The following KCNC2 variants were observed in gnomAD, a reference collection of about 807,000 sequenced individuals.
KCNC2 encodes potassium voltage-gated channel subfamily C member 2.
In KCNC2, 21 loss-of-function variants were observed where a neutral mutation model predicts 44.5. That is an observed-to-expected ratio of 0.47 (90% CI 0.33 to 0.68). The LOEUF is 0.68. Ranked by LOEUF, KCNC2 falls within the 30% of genes least tolerant of loss-of-function variation. KCNC2 has a pLI of 0.01. For synonymous variants in KCNC2, 391 were observed against 339.1 expected (o/e 1.15, Z -1.68); for missense variants, 589 against 826.2 (o/e 0.71, Z 3.52).
At chr12:75,043,907 G>T (rs918706086) in intron 4 of KCNC2, 3 of 750,708 alleles carry the variant, frequency 4.0e-6, no homozygotes, top group Admixed American at 6.1e-5. Context: ...TTGATTACAT[G>T]ATGTTTTCAG....
chr12:75,199,263 G>T (rs911522051), intron 2 of KCNC2, among the ~76,000 whole-genome samples: 3 of 151,800 alleles, frequency 2.0e-5, no homozygotes, highest in Admixed American at 2.0e-4. Context: ...TCTAAGATTT[G>T]ATAGCACACC....
At position 75,121,959 on chromosome 12, in the gene KCNC2, CTCAGTGT is replaced by C. The variant is rs1181997712; in HGVS notation, c.688-70649_688-70643del. Among the ~76,000 whole-genome samples the C allele has an allele frequency of 3.8e-5, 4 of 105,700 alleles. No homozygotes were observed. In the East Asian group the frequency reaches 1.1e-3, roughly 30 times the overall value. The allele number at this position is 105,700 out of a possible 152,430, so 69.3% of individuals were successfully genotyped here. ...GCTTCTTGAACACTGACTCAGTGGA[CTCAGTGT>C]CAAGTGTGAGTGATAGGAATCCTCA... On this transcript the variant is annotated intron_variant, in intron 2 of 4. Transcript: ENST00000549446.
At chr12:75,201,772 A>G (rs2031298584) in intron 2 of KCNC2, among the ~76,000 whole-genome samples, 1 of 151,898 alleles carries the variant, frequency 6.6e-6, no homozygotes, top group Non-Finnish European at 1.5e-5. Context: ...TTAAAAGAAT[A>G]TTTTGACTGC....
At chr12:75,043,768 G>C in intron 4 of KCNC2, 1 of 1,509,342 alleles carries the variant, frequency 6.6e-7, no homozygotes, top group Non-Finnish European at 8.8e-7. Flanking sequence ...ATGGCATTTG[G>C]TGCCATTATC....
intron 2 of KCNC2, among the ~76,000 whole-genome samples, chr12:75,075,320 T>C (rs895208860): frequency 1.1e-4 from 17 of 151,936 alleles, no homozygotes; most frequent in African/African-American, 3.1e-4. Flanking sequence ...AATCAAGAGA[T>C]GCCATGATTC....
At chr12:75,046,503 C>T (rs1056680512) in intron 4 of KCNC2, among the ~76,000 whole-genome samples, 2 of 151,534 alleles carry the variant, frequency 1.3e-5, no homozygotes. Context: ...TTGAATGCTG[C>T]TTAAAAATGT....
intron 2 of KCNC2, among the ~76,000 whole-genome samples, chr12:75,204,075 C>A (rs2031497651): frequency 6.6e-6 from 1 of 151,902 alleles, no homozygotes; most frequent in Non-Finnish European, 1.5e-5. Context: ...TCACTAGCAT[C>A]AACAAAATAA....
At chr12:75,203,741 T>C (rs2137802343) in intron 2 of KCNC2, among the ~76,000 whole-genome samples, 1 of 152,012 alleles carries the variant, frequency 6.6e-6, no homozygotes, top group Admixed American at 6.5e-5. Context: ...CCCTACCCTA[T>C]AAAAAATATA....
intron 2 of KCNC2, among the ~76,000 whole-genome samples, chr12:75,159,608 T>C (rs762571694): frequency 1.3e-5 from 2 of 151,894 alleles, no homozygotes; most frequent in Non-Finnish European, 2.9e-5. Flanking sequence ...TGAAACTCCC[T>C]TAAACTCAAT....
intron 2 of KCNC2, among the ~76,000 whole-genome samples, chr12:75,129,266 C>T (rs1429956597): frequency 2.6e-5 from 4 of 152,152 alleles, no homozygotes; most frequent in Non-Finnish European, 2.9e-5. Context: ...GGTGCCATGA[C>T]GCTAACAGGC....
intron 2 of KCNC2, among the ~76,000 whole-genome samples, chr12:75,203,052 AT>A (rs992472498): frequency 5.9e-5 from 9 of 151,912 alleles, no homozygotes; most frequent in African/African-American, 2.2e-4. Flanking sequence ...TGACAACAAT[AT>A]TTTATGAATA....
chr12:75,059,044 T>G (rs1882039420), intron 2 of KCNC2, among the ~76,000 whole-genome samples: 1 of 152,044 alleles, frequency 6.6e-6, no homozygotes, highest in Non-Finnish European at 1.5e-5. Flanking sequence ...TCTCCCTTCC[T>G]CCTGTGTCTG....
intron 2 of KCNC2, among the ~76,000 whole-genome samples, chr12:75,154,868 C>G (rs1890648844): frequency 6.6e-6 from 1 of 151,958 alleles, no homozygotes; most frequent in Non-Finnish European, 1.5e-5. Flanking sequence ...TACAACACAG[C>G]AACTGCCATG....
Position 75,207,936 on chromosome 12 carries a change from G to T in KCNC2, c.48C>A (p.Gly16=). 1.2e-6 allele frequency: 2 copies of T among 1,612,746 alleles called. No homozygotes were observed. Among genetic ancestry groups the T allele is most frequent in the Non-Finnish European group, 1.7e-6 (2 of 1,179,904 alleles). ...TGCTGCGGTAGGTTTCGTGCCGGGT[G>T]CCCCCGACATTGAGGATCACCCTCT... The part of the protein sequence containing the change: ...NNERVILNVG[G]TRHETYRSTL... The change falls in exon 2 of 5, where the codon GGC becomes GGA. Residue 16 remains glycine, a synonymous_variant. Transcript: ENST00000549446. This position sits in a 1 kb window ranked among gnomAD's most constrained non-coding sequence, Gnocchi z 4.1.
chr12:75,172,260 T>G (rs1891879828), intron 2 of KCNC2, among the ~76,000 whole-genome samples: 1 of 151,638 alleles, frequency 6.6e-6, no homozygotes, highest in Admixed American at 6.6e-5. Context: ...CACTTATAAG[T>G]GGGAGCTGAA....
chr12:75,093,219 A>G (rs1411722890), intron 2 of KCNC2, among the ~76,000 whole-genome samples: 2 of 151,688 alleles, frequency 1.3e-5, no homozygotes, highest in East Asian at 3.9e-4. Flanking sequence ...AACAATTCAT[A>G]AAGTAGATTA....
intron 2 of KCNC2, among the ~76,000 whole-genome samples, chr12:75,176,884 T>C (rs1389581307): frequency 6.6e-6 from 1 of 151,840 alleles, no homozygotes; most frequent in African/African-American, 2.4e-5. Context: ...TATGCTCTTA[T>C]CATCAACATT....
intron 2 of KCNC2, among the ~76,000 whole-genome samples, chr12:75,161,051 C>T (rs976033637): frequency 6.2e-5 from 9 of 144,370 alleles, no homozygotes; most frequent in African/African-American, 2.4e-4. Flanking sequence ...GAGGTGTAAA[C>T]CTACATATTT....
At chr12:75,124,434 G>T (rs1888258941) in intron 2 of KCNC2, among the ~76,000 whole-genome samples, 1 of 152,076 alleles carries the variant, frequency 6.6e-6, no homozygotes, top group African/African-American at 2.4e-5. Flanking sequence ...TGCTTTAATG[G>T]GTTATTAAGG....
Sources: gnomAD v4.1 joint callset for allele counts (sites outside exome capture counted in the v4.1 genomes callset) on GRCh38, gnomAD v4.1.1 for gene constraint, Gnocchi (gnomAD v3.1) non-coding constraint, MANE v1.5 for transcripts, NCBI Gene and HGNC (gene_info 2026-07-23, HGNC 2026-07-21) for gene names.